Variants in ZNF385B observed in about 807,000 individuals in gnomAD.
The protein encoded by ZNF385B is zinc finger protein 533.
Under a neutral mutation model 39.2 loss-of-function variants are expected in ZNF385B, and 23 were observed. The ratio of observed to expected loss-of-function variants is 0.59; its 90% confidence interval spans 0.42 to 0.83. The LOEUF is 0.83. ZNF385B is among the 40% of genes least tolerant of loss of function. The pLI is 0.00. For synonymous variants in ZNF385B, 205 were observed against 222.6 expected (o/e 0.92, Z 0.70); for missense variants, 552 against 598.9 (o/e 0.92, Z 0.82).
chr2:179,656,801 A>G (rs780161192), intron 3 of ZNF385B, among the ~76,000 whole-genome samples: 2 of 152,198 alleles, frequency 1.3e-5, no homozygotes, highest in Non-Finnish European at 2.9e-5. Flanking sequence ...CATAAAAAGA[A>G]TAAGTTTTTG....
chr2:179,788,811 C>CA (rs1471218573), intron 1 of ZNF385B, among the ~76,000 whole-genome samples: 2 of 152,178 alleles, frequency 1.3e-5, no homozygotes, highest in East Asian at 3.9e-4. Flanking sequence ...AGGCTGCAAA[C>CA]AAAAGAGGAT....
At chr2:179,696,577 T>A (rs888043177) in intron 3 of ZNF385B, among the ~76,000 whole-genome samples, 2 of 152,118 alleles carry the variant, frequency 1.3e-5, no homozygotes, top group Non-Finnish European at 2.9e-5. Flanking sequence ...CACTTAGTGA[T>A]ACTCCCATGC....
chr2:179,681,694 A>G (rs1697528936), intron 3 of ZNF385B, among the ~76,000 whole-genome samples: 1 of 152,222 alleles, frequency 6.6e-6, no homozygotes, highest in Non-Finnish European at 1.5e-5. Context: ...CTACATTATT[A>G]GAAAAAATAA....
intron 3 of ZNF385B, among the ~76,000 whole-genome samples, chr2:179,625,642 A>G (rs544164046): frequency 2.0e-5 from 3 of 152,240 alleles, no homozygotes; most frequent in Admixed American, 6.5e-5. Context: ...ATGGGTGGAA[A>G]GATGCCAGAT....
At chr2:179,808,966 A>G (rs1290193044) in intron 1 of ZNF385B, among the ~76,000 whole-genome samples, 1 of 152,254 alleles carries the variant, frequency 6.6e-6, no homozygotes, top group East Asian at 1.9e-4. Flanking sequence ...AAATAGATAA[A>G]TGAAATATTC....
intron 3 of ZNF385B, among the ~76,000 whole-genome samples, chr2:179,549,860 C>T (rs2060460247): frequency 6.7e-6 from 1 of 148,378 alleles, no homozygotes; most frequent in Non-Finnish European, 1.5e-5. Flanking sequence ...TAGAACCAGC[C>T]AAAAGTATAG....
At chr2:179,724,421 T>C (rs1048774582) in intron 3 of ZNF385B, among the ~76,000 whole-genome samples, 1 of 152,292 alleles carries the variant, frequency 6.6e-6, no homozygotes, top group South Asian at 2.1e-4. Context: ...AGAAACTGTC[T>C]AAATCTTCAA....
At chr2:179,470,099 C>T (rs749027688) in intron 6 of ZNF385B, among the ~76,000 whole-genome samples, 2 of 152,138 alleles carry the variant, frequency 1.3e-5, no homozygotes, top group Admixed American at 6.5e-5. Context: ...CCTACCCCAC[C>T]GCAGGCCATG....
chr2:179,669,950 C>T (rs957403939), intron 3 of ZNF385B, among the ~76,000 whole-genome samples: 5 of 152,050 alleles, frequency 3.3e-5, no homozygotes, highest in African/African-American at 1.2e-4. Context: ...TGTTGAGCAA[C>T]CAGCTCTCTG....
chr2:179,815,045 G>A (rs1165656100), intron 1 of ZNF385B, among the ~76,000 whole-genome samples: 2 of 152,052 alleles, frequency 1.3e-5, no homozygotes, highest in African/African-American at 4.8e-5. Context: ...TGTCTCTATC[G>A]TTTTTGTCTA....
At chr2:179,508,277 C>G (rs932202056) in intron 5 of ZNF385B, among the ~76,000 whole-genome samples, 4 of 152,204 alleles carry the variant, frequency 2.6e-5, no homozygotes, top group Admixed American at 1.3e-4. Flanking sequence ...TCTAGCAATT[C>G]TACCTGTTGT....
intron 1 of ZNF385B, among the ~76,000 whole-genome samples, chr2:179,859,597 A>T (rs554258695): frequency 7.9e-5 from 12 of 152,340 alleles, no homozygotes; most frequent in Non-Finnish European, 1.8e-4. Flanking sequence ...CTACAAGAAT[A>T]GCTATCTGAT....
intron 3 of ZNF385B, among the ~76,000 whole-genome samples, chr2:179,736,921 G>T (rs1701797545): frequency 6.6e-6 from 1 of 152,198 alleles, no homozygotes; most frequent in South Asian, 2.1e-4. Context: ...AGTGAGCAGA[G>T]ATCATGCCAC....
At chr2:179,693,494 T>C (rs1439649925) in intron 3 of ZNF385B, among the ~76,000 whole-genome samples, 1 of 152,148 alleles carries the variant, frequency 6.6e-6, no homozygotes, top group Non-Finnish European at 1.5e-5. Flanking sequence ...ATGGAGAGAA[T>C]AATGCAATAA....
intron 1 of ZNF385B, among the ~76,000 whole-genome samples, chr2:179,845,086 C>T (rs113524801): frequency 3.7e-4 from 56 of 152,172 alleles, no homozygotes; most frequent in African/African-American, 1.3e-3. Flanking sequence ...TTATCTCAAT[C>T]CAGAAACTAC....
chr2:179,563,987 C>T (rs1444176678), intron 3 of ZNF385B, among the ~76,000 whole-genome samples: 1 of 152,152 alleles, frequency 6.6e-6, no homozygotes, highest in African/African-American at 2.4e-5. Flanking sequence ...AATACTAGTG[C>T]ATCCTTGAAC....
chr2:179,786,414 T>C (rs746491254), intron 1 of ZNF385B, among the ~76,000 whole-genome samples: 4 of 152,166 alleles, frequency 2.6e-5, no homozygotes, highest in Non-Finnish European at 5.9e-5. Context: ...ACTTTTTCAA[T>C]TATGAATATC....
intron 1 of ZNF385B, among the ~76,000 whole-genome samples, chr2:179,849,910 G>T (rs1708991169): frequency 6.6e-6 from 1 of 152,204 alleles, no homozygotes; most frequent in Non-Finnish European, 1.5e-5. Flanking sequence ...GTTGAGCTCA[G>T]CTGTGATGGG....
chr2:179,681,196 G>A lies in ZNF385B; in HGVS notation c.298+88307C>T, dbSNP rs564575070. Among the ~76,000 whole-genome samples the A allele has an allele frequency of 9.5e-4, 142 of 150,010 alleles. 1 individual carries two copies. Among genetic ancestry groups the A allele is most frequent in the African/African-American group, 3.3e-3 (134 of 40,826 alleles). ...TTTTAAAACTACATAAATTTATTAA[G>A]GTCAATAACAGAAAGGACATTTTCC... On this transcript the variant is annotated intron_variant, in intron 3 of 9. Coordinates refer to ENST00000410066, the MANE Select transcript of ZNF385B (RefSeq NM_152520.6).
Sources: gnomAD v4.1 joint callset for allele counts (sites outside exome capture counted in the v4.1 genomes callset) on GRCh38, gnomAD v4.1.1 for gene constraint, MANE v1.5 for transcripts, NCBI Gene and HGNC (gene_info 2026-07-23, HGNC 2026-07-21) for gene names.